Variants in IQCM observed in about 807,000 individuals in gnomAD.
The protein encoded by IQCM is IQ domain-containing protein M.
Under a neutral mutation model 57.6 loss-of-function variants are expected in IQCM, and 45 were observed. The ratio of observed to expected loss-of-function variants is 0.78; its 90% CI spans 0.62 to 1.00. The LOEUF is 1.00. Among genes scored for constraint, IQCM ranks in the 50% least tolerant of loss-of-function variants. IQCM has a pLI of 0.00. For missense variants in IQCM, 468 were observed against 511.6 expected (o/e 0.91, Z 0.82); for synonymous variants, 148 against 158.9 (o/e 0.93, Z 0.51).
intron 3 of IQCM, among the ~76,000 whole-genome samples, chr4:149,740,505 C>T (rs973997307): frequency 6.6e-5 from 10 of 152,076 alleles, no homozygotes; most frequent in East Asian, 1.9e-4. Context: ...CTACCGCTAG[C>T]GCACTAATGT....
intron 10 of IQCM, among the ~76,000 whole-genome samples, chr4:149,557,137 T>C (rs932439157): frequency 6.6e-6 from 1 of 152,186 alleles, no homozygotes; most frequent in Non-Finnish European, 1.5e-5. Context: ...GTCTCTGATG[T>C]GAGCTCACCT....
intron 5 of IQCM, among the ~76,000 whole-genome samples, chr4:149,688,915 C>T (rs997993223): frequency 2.0e-5 from 3 of 152,012 alleles, no homozygotes; most frequent in Admixed American, 6.6e-5. Context: ...GAGAAAAAAA[C>T]TGGATCCTCA....
chr4:149,379,726 A>T (rs533407240), intron 13 of IQCM, among the ~76,000 whole-genome samples: 1 of 152,324 alleles, frequency 6.6e-6, no homozygotes, highest in Non-Finnish European at 1.5e-5. Context: ...TTTTGAGTTA[A>T]TACTGAAATG....
At chr4:149,781,504 C>T (rs1771600621) in intron 2 of IQCM, among the ~76,000 whole-genome samples, 1 of 152,182 alleles carries the variant, frequency 6.6e-6, no homozygotes, top group Non-Finnish European at 1.5e-5. Context: ...TTCAAGTAAC[C>T]TTTATTTTAC....
At chr4:149,356,884 A>C (rs538406670) in intron 13 of IQCM, among the ~76,000 whole-genome samples, 81 of 152,252 alleles carry the variant, frequency 5.3e-4, no homozygotes, top group Middle Eastern at 3.4e-3. Flanking sequence ...TGAGCATGGA[A>C]TGTTCTTCCA....
intron 8 of IQCM, among the ~76,000 whole-genome samples, chr4:149,610,830 C>G (rs1188749159): frequency 6.6e-6 from 1 of 151,930 alleles, no homozygotes; most frequent in South Asian, 2.1e-4. Flanking sequence ...TTGAATAAGA[C>G]CTAAAAAGCA....
At chr4:149,738,806 T>C (rs1172388597) in intron 3 of IQCM, among the ~76,000 whole-genome samples, 1 of 152,314 alleles carries the variant, frequency 6.6e-6, no homozygotes, top group African/African-American at 2.4e-5. Flanking sequence ...TCTGATTTTC[T>C]ACCATCACTA....
At chr4:149,782,048 G>T (rs914028097) in intron 2 of IQCM, among the ~76,000 whole-genome samples, 4 of 151,986 alleles carry the variant, frequency 2.6e-5, no homozygotes, top group Non-Finnish European at 4.4e-5. Context: ...ACAATAAACA[G>T]CCCTAACACT....
Position 149,646,845 on chromosome 4 carries a change from G to A in IQCM, c.566-25601C>T, listed in dbSNP as rs554511573. 2.2e-4 allele frequency among the ~76,000 whole-genome samples: 33 copies of A among 152,254 alleles called. No individual in the cohort carries two copies. In the South Asian group the frequency reaches 6.4e-3, roughly 30 times the overall value. On this transcript the variant is annotated intron_variant, in intron 7 of 13. Transcript: ENST00000636793. ...CCAAAAATACAAAAATTAGCTGGGT[G>A]TGGTGGCAGGCGCCTGTAATCTCAG...
At chr4:149,806,967 C>A (rs987999440) in intron 2 of IQCM, among the ~76,000 whole-genome samples, 10 of 151,644 alleles carry the variant, frequency 6.6e-5, no homozygotes, top group Admixed American at 6.6e-4. Flanking sequence ...GGTGAAAAAT[C>A]TCTAAAAGAA....
chr4:149,670,215 A>T (rs912031344), intron 7 of IQCM, among the ~76,000 whole-genome samples: 10 of 152,040 alleles, frequency 6.6e-5, no homozygotes, highest in Non-Finnish European at 1.0e-4. Flanking sequence ...TTGGATTCCT[A>T]GGTATTTTAT....
Position 149,516,648 on chromosome 4 carries a change from GC to G in IQCM, c.1228+31806del, listed in dbSNP as rs558246594. ...TTCTCCCATAGCCAGGATTCATGGG[GC>G]CAGGAATCAAGGGGTGGAAGTAGAA... On this transcript the variant is annotated intron_variant, in intron 12 of 13. Coordinates refer to ENST00000636793, the MANE Select transcript of IQCM (RefSeq NM_001363507.2). Among the ~76,000 whole-genome samples the G allele has an allele frequency of 2.4e-3, 369 of 152,188 alleles. 1 individual carries two copies. Among genetic ancestry groups the G allele is most frequent in the African/African-American group, 7.9e-3 (326 of 41,518 alleles).
chr4:149,596,285 TA>T (rs1051987924), intron 8 of IQCM, among the ~76,000 whole-genome samples: 6 of 152,130 alleles, frequency 3.9e-5, no homozygotes, highest in African/African-American at 1.4e-4. Context: ...CAATAAATTC[TA>T]AAAACATAAA....
At chr4:149,401,679 CA>C (rs1732630160) in intron 13 of IQCM, among the ~76,000 whole-genome samples, 2 of 151,826 alleles carry the variant, frequency 1.3e-5, no homozygotes, top group South Asian at 2.1e-4. Flanking sequence ...ATGCAGGTAT[CA>C]AACATTACAT....
chr4:149,505,863 A>G (rs1301752799), intron 12 of IQCM, among the ~76,000 whole-genome samples: 3 of 152,214 alleles, frequency 2.0e-5, no homozygotes, highest in Non-Finnish European at 4.4e-5. Context: ...AGAATGTTAA[A>G]TGGAATTGAC....
At chr4:149,419,111 G>A (rs1733951341) in intron 13 of IQCM, among the ~76,000 whole-genome samples, 1 of 152,036 alleles carries the variant, frequency 6.6e-6, no homozygotes, top group African/African-American at 2.4e-5. Context: ...AACTACCATT[G>A]AGATTCTTCA....
chr4:149,726,642 T>G (rs1765970554), intron 5 of IQCM, among the ~76,000 whole-genome samples: 1 of 152,182 alleles, frequency 6.6e-6, no homozygotes, highest in African/African-American at 2.4e-5. Context: ...TCCAATATGA[T>G]AGCCAATTAC....
chr4:149,402,527 G>C (rs1419232266), intron 13 of IQCM, among the ~76,000 whole-genome samples: 1 of 151,752 alleles, frequency 6.6e-6, no homozygotes, highest in African/African-American at 2.4e-5. Flanking sequence ...AGGTGAAGGG[G>C]TTTGGCTTAC....
At chr4:149,603,426 T>G (rs1011274152) in intron 8 of IQCM, among the ~76,000 whole-genome samples, 8 of 152,198 alleles carry the variant, frequency 5.3e-5, no homozygotes, top group African/African-American at 1.7e-4. Flanking sequence ...TCAATTGTTT[T>G]ATAATTTCCT....
Sources: allele counts gnomAD v4.1 joint callset (sites outside exome capture counted in the v4.1 genomes callset), GRCh38; gene constraint gnomAD v4.1.1; transcripts MANE v1.5; gene names NCBI Gene and HGNC (gene_info 2026-07-23, HGNC 2026-07-21).